Variants in MIA2 observed in about 807,000 individuals in gnomAD.
MIA2 encodes MIA SH3 domain ER export factor 2, also known as melanoma inhibitory activity protein 2.
MIA2 carries 127 observed loss-of-function variants against 167.8 expected under a neutral mutation model. That is an observed-to-expected ratio of 0.76 (90% CI 0.66 to 0.88). MIA2 has a LOEUF of 0.88. MIA2 is among the 40% of genes least tolerant of loss of function. MIA2 has a pLI of 0.00. For missense variants in MIA2, 1,690 were observed against 1,624.7 expected, an observed-to-expected ratio of 1.04 and a Z score of -0.69; for synonymous variants, 552 against 541.9, an observed-to-expected ratio of 1.02 and a Z score of -0.26.
At chr14:39,355,955 G>A (rs1183168733), downstream of MIA2, among the ~76,000 whole-genome samples, 1 of 152,172 alleles carries the variant, frequency 6.6e-6, no homozygotes. Context: ...CGGTTTGCCA[G>A]TATTTTTTAT....
chr14:39,309,846 G>A (rs1478192002), intron 18 of MIA2, among the ~76,000 whole-genome samples: 2 of 151,894 alleles, frequency 1.3e-5, no homozygotes, highest in African/African-American at 4.8e-5. Flanking sequence ...GAGTGAAGGA[G>A]TGTGTGTGTG....
chr14:39,290,868 G>T, intron 9 of MIA2, 151 bp from the exon 10 acceptor site: 2 of 633,968 alleles, frequency 3.2e-6, no homozygotes, highest in Non-Finnish European at 2.6e-6. Context: ...TTGTTGTAGT[G>T]GTCAGATTTA....
rs150854337 is a variant in MIA2, at chr14:39,289,625, T to G, written c.2131-1394T>G. On this transcript the variant is annotated intron_variant, in intron 9 of 28. Coordinates refer to ENST00000640607, the MANE Select transcript of MIA2 (RefSeq NM_001329214.4). ...ATTTATTCTCTTAAAATTTTGAAGG[T>G]CAGAAGTCTAGAACTGATCTTTTAA... Among the ~76,000 whole-genome samples the G allele has an allele frequency of 7.4e-4, 112 of 152,316 alleles. No individual in the cohort carries two copies. In the East Asian group the frequency reaches 0.019, roughly 25 times the overall value.
intron 25 of MIA2, among the ~76,000 whole-genome samples, chr14:39,343,023 TCCAATATCTCA>T (rs1316057592): frequency 6.6e-6 from 1 of 152,170 alleles, no homozygotes; most frequent in African/African-American, 2.4e-5. Flanking sequence ...TTAGAGTGTC[TCCAATATCTCA>T]CCATTACTAA....
At chr14:39,360,912 C>G (rs770726290) in intron 23 of MIA2, among the ~76,000 whole-genome samples, 8 of 152,158 alleles carry the variant, frequency 5.3e-5, no homozygotes, top group Admixed American at 4.6e-4. Context: ...TGAGAGTGTT[C>G]TTTCCTCCAA....
At chr14:39,366,583 G>T (rs995124430) in intron 23 of MIA2, among the ~76,000 whole-genome samples, 4 of 152,220 alleles carry the variant, frequency 2.6e-5, no homozygotes, top group African/African-American at 9.6e-5. Flanking sequence ...GGAGTGCACA[G>T]ATGCCAGCAG....
chr14:39,275,195 G>A (rs2057813986), intron 6 of MIA2, among the ~76,000 whole-genome samples: 1 of 122,646 alleles, frequency 8.2e-6, no homozygotes, highest in South Asian at 2.8e-4. Context: ...TGTCACCCAG[G>A]CTTGAGTGTA....
At chr14:39,244,353 C>T (rs2054193897) in intron 3 of MIA2, among the ~76,000 whole-genome samples, 1 of 152,042 alleles carries the variant, frequency 6.6e-6, no homozygotes, top group Admixed American at 6.6e-5. Flanking sequence ...GCTTCTGATG[C>T]CTTCATTTCA....
At chr14:39,267,879 A>C (rs1044197949) in intron 6 of MIA2, among the ~76,000 whole-genome samples, 1 of 152,164 alleles carries the variant, frequency 6.6e-6, no homozygotes, top group African/African-American at 2.4e-5. Context: ...GAGAAACTTG[A>C]GGACTGTTCC....
chr14:39,333,723 C>G (rs189835225), intron 25 of MIA2, among the ~76,000 whole-genome samples: 1 of 152,124 alleles, frequency 6.6e-6, no homozygotes, highest in Non-Finnish European at 1.5e-5. Flanking sequence ...GATGCTTAAG[C>G]GCTTCAGGCA....
rs1397878336 is a variant in MIA2, at chr14:39,298,413, T to TTTTATATATATA, written c.2497-1450_2497-1449insTTATATATATAT. On this transcript the variant is annotated intron_variant, in intron 13 of 28. Coordinates refer to ENST00000640607, the MANE Select transcript of MIA2 (RefSeq NM_001329214.4). ...TTTACCTGTATCATCTGATTCTGTT[T>TTTTATATATATA]TATATATATATATATATATATATAT... 2.7e-3 allele frequency among the ~76,000 whole-genome samples: 70 copies of TTTTATATATATA among 26,136 alleles called. 2 individuals are homozygous for TTTTATATATATA. Among genetic ancestry groups the TTTTATATATATA allele is most frequent in the African/African-American group, 8.9e-3 (64 of 7,194 alleles). 17.1% of individuals were successfully genotyped at this position (26,136 alleles called of 152,430 possible). A position where few individuals can be genotyped will look rare whatever the true frequency, so the allele number is the denominator to read the frequency against.
chr14:39,380,994 G>A (rs1292225749), intron 23 of MIA2, among the ~76,000 whole-genome samples: 1 of 149,222 alleles, frequency 6.7e-6, no homozygotes, highest in Non-Finnish European at 1.5e-5. Flanking sequence ...AGCAGCCCCT[G>A]TGGTAATAAC....
At chr14:39,335,690 C>T (rs1314831890) in intron 25 of MIA2, among the ~76,000 whole-genome samples, 3 of 152,218 alleles carry the variant, frequency 2.0e-5, no homozygotes, top group East Asian at 1.9e-4. Flanking sequence ...AAGTTTGGGG[C>T]GTGACTGAAT....
chr14:39,254,878 G>T (rs563932749), intron 6 of MIA2, among the ~76,000 whole-genome samples: 2 of 152,196 alleles, frequency 1.3e-5, no homozygotes, highest in African/African-American at 2.4e-5. Flanking sequence ...AAATTGGATA[G>T]ATCTTTTGTA....
At chr14:39,299,718 G>A (rs2062091865) in intron 13 of MIA2, 146 bp from the exon 14 acceptor site, 1 of 639,910 alleles carries the variant, frequency 1.6e-6, no homozygotes, top group Non-Finnish European at 2.5e-6. Flanking sequence ...AAGAATGTGT[G>A]TGTTATTTTA....
intron 25 of MIA2, among the ~76,000 whole-genome samples, chr14:39,337,401 A>G (rs971470556): frequency 5.9e-5 from 9 of 152,204 alleles, no homozygotes; most frequent in African/African-American, 1.9e-4. Context: ...CAGCAAGTAT[A>G]TAGAAGAACT....
chr14:39,246,916 T>C lies in MIA2; in HGVS notation c.342T>C (p.Ser114=). The change falls in exon 4 of 29, where the codon TCT becomes TCC. Residue 114 remains serine (S), a synonymous_variant. Transcript: ENST00000640607. Reference sequence around the variant, plus strand: ...TATATATTTTTTCCTTTTAGGAATCTGACTTTCTTTGTCTTCTTGGAGTAA... The same window carrying C: ...TATATATTTTTTCCTTTTAGGAATCCGACTTTCTTTGTCTTCTTGGAGTAA... ...SEEIQMSTKE[S]DFLCLLGVSY... is the part of the protein sequence containing the mutation. 1 of 1,502,266 alleles carries C rather than the reference T, an allele frequency of 6.7e-7. No homozygotes were observed. Among genetic ancestry groups the C allele is most frequent in the Non-Finnish European group, 8.9e-7 (1 of 1,126,800 alleles). 93.1% of individuals were successfully genotyped at this position (1,502,266 alleles called of 1,614,324 possible).
chr14:39,298,443 A>ATATATATATATATATATGTATATGT (rs1372100362), intron 13 of MIA2, among the ~76,000 whole-genome samples: 1 of 50,056 alleles, frequency 2.0e-5, no homozygotes, highest in Non-Finnish European at 3.5e-5. Flanking sequence ...ATATATATAT[A>ATATATATATATATATATGTATATGT]AAGATTAGTT....
Position 39,247,906 on chromosome 14 carries a change from C to T in MIA2, c.1332C>T (p.Val444=), listed in dbSNP as rs1184139625. The change falls in exon 4 of 29, where the codon GTC becomes GTT. Residue 444 remains valine, a synonymous_variant. Coordinates refer to ENST00000640607, the MANE Select transcript of MIA2 (RefSeq NM_001329214.4). ...AAGATCAAATAGACAAGAAACCAGT[C>T]TCAGAAAAAACAGACGAATCTGATA... ...ETEDQIDKKP[V]SEKTDESDTI... is the part of the protein sequence containing the mutation. 1 of 1,590,972 alleles carries T rather than the reference C, an allele frequency of 6.3e-7. No homozygotes were observed. Among genetic ancestry groups the T allele is most frequent in the Non-Finnish European group, 8.5e-7 (1 of 1,174,514 alleles).
Sources: allele counts gnomAD v4.1 joint callset (sites outside exome capture counted in the v4.1 genomes callset), GRCh38; gene constraint gnomAD v4.1.1; transcripts MANE v1.5; gene names NCBI Gene and HGNC (gene_info 2026-07-23, HGNC 2026-07-21).